The following PDGFD variants were observed in gnomAD, a reference collection of about 807,000 sequenced individuals.
PDGFD encodes platelet-derived growth factor D.
A neutral mutation model predicts 44.7 loss-of-function variants in PDGFD; 30 were observed. That is an observed-to-expected ratio of 0.67 (90% confidence interval 0.50 to 0.91). The LOEUF (loss-of-function observed/expected upper bound fraction) is 0.91. PDGFD is among the 40% of genes least tolerant of loss of function. PDGFD has a pLI of 0.00. For missense variants in PDGFD, 445 were observed against 457.8 expected, an observed-to-expected ratio of 0.97 and a Z score of 0.25; for synonymous variants, 173 against 168.4, an observed-to-expected ratio of 1.03 and a Z score of -0.21.
intron 1 of PDGFD, chr11:104,037,110 C>A (rs1187035868): frequency 6.2e-7 from 1 of 1,614,166 alleles, no homozygotes; most frequent in Admixed American, 1.7e-5. Flanking sequence ...GTGTAGACTT[C>A]AGTGGCATTG....
At chr11:104,035,561 C>CT (rs3050598) in intron 1 of PDGFD, among the ~76,000 whole-genome samples, 1,861 of 115,128 alleles carry the variant, frequency 0.016, 17 homozygotes, top group East Asian at 0.02. Flanking sequence ...ACTTCTTTTT[C>CT]TTTTTTTTTT....
At chr11:104,160,484 T>TA in intron 1 of PDGFD, among the ~76,000 whole-genome samples, 1 of 152,330 alleles carries the variant, frequency 6.6e-6, no homozygotes, top group Middle Eastern at 3.4e-3. Context: ...GGCCAGTTAT[T>TA]ATTACAAAAG....
At chr11:104,050,701 AG>A (rs996635812) in intron 1 of PDGFD, among the ~76,000 whole-genome samples, 1 of 152,150 alleles carries the variant, frequency 6.6e-6, no homozygotes, top group Non-Finnish European at 1.5e-5. Context: ...TCAGTACTGC[AG>A]GTCTGGGGTA....
intron 3 of PDGFD, among the ~76,000 whole-genome samples, chr11:103,982,807 C>T (rs1859292435): frequency 6.6e-6 from 1 of 151,722 alleles, no homozygotes; most frequent in South Asian, 2.1e-4. Flanking sequence ...GAACAAATTC[C>T]CATTCACAAT....
intron 2 of PDGFD, among the ~76,000 whole-genome samples, chr11:103,997,615 G>T (rs1232790858): frequency 1.3e-5 from 2 of 152,102 alleles, no homozygotes; most frequent in African/African-American, 2.4e-5. Context: ...CACTAACAAA[G>T]TATCATTATG....
At chr11:104,129,568 G>A (rs191068294) in intron 1 of PDGFD, among the ~76,000 whole-genome samples, 198 of 152,252 alleles carry the variant, frequency 1.3e-3, no homozygotes, top group African/African-American at 4.2e-3. Flanking sequence ...TTGTGCACCA[G>A]CATCAGATGC....
At chr11:104,027,711 A>T (rs1860062997) in intron 1 of PDGFD, among the ~76,000 whole-genome samples, 1 of 152,208 alleles carries the variant, frequency 6.6e-6, no homozygotes, top group South Asian at 2.1e-4. Flanking sequence ...CCAGAACTGC[A>T]GATATAGAAT....
In PDGFD at chr11:104,157,065, A is replaced by G. The variant is rs75658557; in HGVS notation, c.124+6739T>C. Among the ~76,000 whole-genome samples the G allele has an allele frequency of 9.6e-3, 1,455 of 152,346 alleles. 27 individuals are homozygous for G. The highest frequency in any genetic ancestry group is 0.033 in the African/African-American group (1,354 of 41,584). ...GAAATGTAGCTATTTGAAAAAACTT[A>G]AAGTGTTGTCAAACACTAGACAGGT... On this transcript the variant is annotated intron_variant, in intron 1 of 6. Transcript: ENST00000393158.
rs79606271 is a variant in PDGFD, at chr11:104,157,169, G to A, written c.124+6635C>T. On this transcript the variant is annotated intron_variant, in intron 1 of 6. Transcript: ENST00000393158. The stretch of plus-strand genomic sequence containing the variant: ...ATATCTGCTGTGCTGAGCGCAGAGC[G>A]ACAACCAGGGCGAGGGGGGTACCTC... Among the ~76,000 whole-genome samples, 789 of 152,298 alleles carry A rather than the reference G, an allele frequency of 5.2e-3. 5 individuals carry two copies. The highest frequency in any genetic ancestry group is 0.014 in the Middle Eastern group (4 of 294).
At chr11:103,962,869 A>C (rs1213933663) in intron 3 of PDGFD, among the ~76,000 whole-genome samples, 1 of 152,158 alleles carries the variant, frequency 6.6e-6, no homozygotes, top group Non-Finnish European at 1.5e-5. Context: ...CAAAATGAGT[A>C]CAATCTTTCT....
At chr11:104,119,188 T>TAATATA (rs1861708575) in intron 1 of PDGFD, among the ~76,000 whole-genome samples, 1 of 5,826 alleles carries the variant, frequency 1.7e-4, no homozygotes, top group Non-Finnish European at 3.1e-4. Flanking sequence ...ATATAATATA[T>TAATATA]TGATATAATA....
intron 1 of PDGFD, among the ~76,000 whole-genome samples, chr11:104,092,384 C>A (rs147348899): frequency 2.6e-5 from 4 of 152,104 alleles, no homozygotes; most frequent in Non-Finnish European, 5.9e-5. Context: ...ACAAAAGAAA[C>A]GTGTCTGTGA....
At chr11:103,927,578 T>A (rs922447369) in intron 5 of PDGFD, among the ~76,000 whole-genome samples, 1 of 152,256 alleles carries the variant, frequency 6.6e-6, no homozygotes, top group African/African-American at 2.4e-5. Context: ...ACCACTGTAT[T>A]ATATTTACCT....
intron 5 of PDGFD, among the ~76,000 whole-genome samples, chr11:103,931,095 C>A (rs2134313767): frequency 6.6e-6 from 1 of 152,202 alleles, no homozygotes; most frequent in East Asian, 1.9e-4. Flanking sequence ...ACAGATAAAA[C>A]CAATATAATA....
chr11:103,954,213 T>G (rs968371500), intron 3 of PDGFD, among the ~76,000 whole-genome samples: 2 of 152,218 alleles, frequency 1.3e-5, no homozygotes, highest in African/African-American at 2.4e-5. Context: ...ACAGTTGATA[T>G]ATTACAAGCT....
chr11:104,055,159 T>C (rs187766102), intron 1 of PDGFD, among the ~76,000 whole-genome samples: 136 of 152,188 alleles, frequency 8.9e-4, no homozygotes, highest in Non-Finnish European at 1.5e-3. Flanking sequence ...AAACGCCAGT[T>C]CATGTCAAAT....
intron 1 of PDGFD, among the ~76,000 whole-genome samples, chr11:104,056,880 A>G (rs1860625464): frequency 6.6e-6 from 1 of 152,188 alleles, no homozygotes; most frequent in Non-Finnish European, 1.5e-5. Flanking sequence ...CTGTAGTCCC[A>G]GCACTTTGGG....
In PDGFD at chr11:103,909,541, T is replaced by C. The variant is rs746449636; in HGVS notation, c.*153A>G. ...ATATACCTTTCTACTTGCCATGGCA[T>C]TAACAAAGCAAGGCTGAGACTCAGC... On this transcript the variant is annotated 3_prime_UTR_variant, in exon 7 of 7. Coordinates refer to ENST00000393158, the MANE Select transcript of PDGFD (RefSeq NM_025208.5). 24 of 895,046 alleles carry C rather than the reference T, an allele frequency of 2.7e-5. No individual in the cohort carries two copies. Among genetic ancestry groups the C allele is most frequent in the Non-Finnish European group, 3.8e-5 (22 of 574,662 alleles). 55.4% of individuals were successfully genotyped at this position (895,046 alleles called of 1,614,324 possible). A position where few individuals can be genotyped will look rare whatever the true frequency, so the allele number is the denominator to read the frequency against.
At chr11:104,153,999 G>A (rs1644044441) in intron 1 of PDGFD, among the ~76,000 whole-genome samples, 1 of 152,018 alleles carries the variant, frequency 6.6e-6, no homozygotes, top group South Asian at 2.1e-4. Flanking sequence ...AATAAACAAA[G>A]GGTATCCAAC....
Sources: gnomAD v4.1 joint callset for allele counts (sites outside exome capture counted in the v4.1 genomes callset) on GRCh38, gnomAD v4.1.1 for gene constraint, MANE v1.5 for transcripts, NCBI Gene and HGNC (gene_info 2026-07-23, HGNC 2026-07-21) for gene names.